P4HA3: variants seen among roughly 807,000 people sequenced by gnomAD.
The protein encoded by P4HA3 is prolyl 4-hydroxylase subunit alpha-3.
A neutral mutation model predicts 66.7 loss-of-function variants in P4HA3; 60 were observed. That is an observed-to-expected ratio of 0.90 (90% CI 0.73 to 1.12). The LOEUF (loss-of-function observed/expected upper bound fraction) is 1.12. Ranked by LOEUF, P4HA3 falls within the 50% of genes most tolerant of loss-of-function variation. The pLI, the probability that P4HA3 is intolerant of heterozygous loss-of-function variation, is 0.00. For missense variants in P4HA3, 683 were observed against 685.8 expected, an observed-to-expected ratio of 1.00 and a Z score of 0.05; for synonymous variants, 263 against 274.6, an observed-to-expected ratio of 0.96 and a Z score of 0.42.
intron 4 of P4HA3, among the ~76,000 whole-genome samples, chr11:74,292,779 G>A (rs1055929106): frequency 6.6e-6 from 1 of 152,146 alleles, no homozygotes; most frequent in East Asian, 1.9e-4. Flanking sequence ...TTAATCCTGA[G>A]TTCTAGTTTG....
At position 74,273,540 on chromosome 11, in the gene P4HA3, C is replaced by G; in HGVS notation, c.1398+5G>C. 6.5e-7 allele frequency: 1 copy of G among 1,538,764 alleles called. No individual in the cohort carries two copies. Among genetic ancestry groups the G allele is most frequent in the Non-Finnish European group, 8.7e-7 (1 of 1,144,974 alleles). ...ATGAAGTAAGAAGCCCAGAGCAATA[C>G]TCACATAGATCATAAATGTTGCAAC... On this transcript the variant is annotated splice_donor_5th_base_variant and intron_variant, in intron 10 of 12. Transcript: ENST00000331597.
At chr11:74,262,105 G>T (rs1859916209), downstream of P4HA3, among the ~76,000 whole-genome samples, 1 of 152,210 alleles carries the variant, frequency 6.6e-6, no homozygotes, top group South Asian at 2.1e-4. Flanking sequence ...GGGCTTTAAA[G>T]ATGGTAGAGA....
intron 3 of P4HA3, among the ~76,000 whole-genome samples, chr11:74,301,751 T>C (rs1170180078): frequency 6.6e-6 from 1 of 151,654 alleles, no homozygotes; most frequent in Non-Finnish European, 1.5e-5. Context: ...ATACCTCAGA[T>C]GGGGGGCGGG....
chr11:74,251,825 C>A, intron 15 of P4HA3: 1 of 1,355,050 alleles, frequency 7.4e-7, no homozygotes, highest in Non-Finnish European at 1.1e-6. Context: ...GTTTGGTCAC[C>A]ATGCCTTTCT....
intron 15 of P4HA3, among the ~76,000 whole-genome samples, chr11:74,256,872 T>C (rs1325460405): frequency 6.6e-6 from 1 of 152,180 alleles, no homozygotes; most frequent in Non-Finnish European, 1.5e-5. Flanking sequence ...ATGAGGGGAA[T>C]GGGGCATGAC....
At chr11:74,298,082 G>A in intron 4 of P4HA3, 130 bp downstream of exon 4, 1 of 1,112,052 alleles carries the variant, frequency 9.0e-7, no homozygotes, top group Non-Finnish European at 1.2e-6. Flanking sequence ...TAACTTCCCT[G>A]CTTGGCTCAG....
intron 4 of P4HA3, among the ~76,000 whole-genome samples, chr11:74,291,275 T>A (rs955249087): frequency 1.3e-5 from 2 of 152,222 alleles, no homozygotes; most frequent in Non-Finnish European, 2.9e-5. Flanking sequence ...AGAATGCTTG[T>A]GATTTCTGTA....
Position 74,286,313 on chromosome 11 carries a change from G to A in P4HA3, c.848C>T (p.Ala283Val), listed in dbSNP as rs1444696192. 1.2e-6 allele frequency: 2 copies of A among 1,609,504 alleles called. No individual in the cohort carries two copies. The highest frequency in any genetic ancestry group is 4.5e-5 in the East Asian group (2 of 44,754). ...ATTGGGCCTCTGGATGACAGCCTCA[G>A]CTACCACGTGGTTGGGGCTCTCTGC... ...LLAESPNHVV[A>V]EAVIQRPNIP... is the part of the protein sequence containing the mutation. The change falls in exon 6 of 13, where the codon GCT becomes GTT. Residue 283 changes from alanine to valine, a missense_variant. Transcript: ENST00000331597.
intron 7 of P4HA3, among the ~76,000 whole-genome samples, chr11:74,285,004 TA>T (rs1274299759): frequency 6.6e-6 from 1 of 152,118 alleles, no homozygotes; most frequent in East Asian, 1.9e-4. Context: ...GAAATTATAA[TA>T]ATGATTGTAA....
intron 4 of P4HA3, among the ~76,000 whole-genome samples, chr11:74,291,892 T>C (rs1861040822): frequency 6.6e-6 from 1 of 152,202 alleles, no homozygotes; most frequent in African/African-American, 2.4e-5. Flanking sequence ...TCAAGGATAT[T>C]GGTCTAAAAT....
intron 14 of P4HA3, among the ~76,000 whole-genome samples, chr11:74,261,374 TA>T (rs1250655950): frequency 6.6e-6 from 1 of 152,128 alleles, no homozygotes; most frequent in Non-Finnish European, 1.5e-5. Flanking sequence ...TAGGTATATG[TA>T]AAATAGGTGA....
rs192798263 is a variant in P4HA3, at chr11:74,296,697, C to A, written c.717+1515G>T. 5.2e-3 allele frequency among the ~76,000 whole-genome samples: 796 copies of A among 152,228 alleles called. 3 individuals are homozygous for A. The highest frequency in any genetic ancestry group is 0.014 in the Middle Eastern group (4 of 294). On this transcript the variant is annotated intron_variant, in intron 4 of 12. Transcript: ENST00000331597. ...CCAAGCCATCAGAGTTAGAGGGAAA[C>A]AAAACAAAACTAATCAATAATTGGG...
chr11:74,274,556 G>T (rs890694490), intron 9 of P4HA3, among the ~76,000 whole-genome samples: 2 of 151,364 alleles, frequency 1.3e-5, no homozygotes, highest in Non-Finnish European at 2.9e-5. Context: ...CTCGTGATCC[G>T]CCTGCCTTGG....
At chr11:74,281,640 C>T (rs1231215815) in intron 7 of P4HA3, among the ~76,000 whole-genome samples, 2 of 151,948 alleles carry the variant, frequency 1.3e-5, no homozygotes, top group Non-Finnish European at 2.9e-5. Flanking sequence ...AACCAAACAC[C>T]ACATATTCTC....
chr11:74,265,098 T>C (rs1490127855), downstream of P4HA3, among the ~76,000 whole-genome samples: 2 of 152,218 alleles, frequency 1.3e-5, no homozygotes, highest in Admixed American at 1.3e-4. Flanking sequence ...AAATATTTAA[T>C]GCATGAAGCT....
intron 6 of P4HA3, 58 bp from the exon 7 acceptor site, chr11:74,286,043 C>G: frequency 6.5e-7 from 1 of 1,535,452 alleles, no homozygotes. Flanking sequence ...CAAAACTCAA[C>G]TTAGGGGAAC....
At chr11:74,259,333 C>T (rs1042306176) in intron 15 of P4HA3, among the ~76,000 whole-genome samples, 1 of 152,138 alleles carries the variant, frequency 6.6e-6, no homozygotes, top group Non-Finnish European at 1.5e-5. Context: ...GAGTGGAGAT[C>T]ATGCATGCCA....
chr11:74,308,977 T>C (rs560198273), intron 1 of P4HA3, among the ~76,000 whole-genome samples: 3 of 152,318 alleles, frequency 2.0e-5, no homozygotes, highest in South Asian at 2.1e-4. Flanking sequence ...ACGATTCAAA[T>C]AGAGGTCTGT....
intron 3 of P4HA3, among the ~76,000 whole-genome samples, chr11:74,299,667 G>GA (rs61624292): frequency 0.072 from 7,609 of 105,710 alleles, 407 homozygotes; most frequent in African/African-American, 0.17. Context: ...ATATTTTCAA[G>GA]AAAAAAAAAA....
Sources: gnomAD v4.1 joint callset for allele counts (sites outside exome capture counted in the v4.1 genomes callset) on GRCh38, gnomAD v4.1.1 for gene constraint, MANE v1.5 for transcripts, NCBI Gene and HGNC (gene_info 2026-07-23, HGNC 2026-07-21) for gene names.